SCAPER: variants seen among roughly 807,000 people sequenced by gnomAD.
The protein encoded by SCAPER is S-phase cyclin A associated protein in the ER.
In SCAPER, 98 loss-of-function variants were observed where a neutral mutation model predicts 182.2. The ratio of observed to expected loss-of-function variants is 0.54; its 90% CI spans 0.46 to 0.64. SCAPER has a LOEUF of 0.64. Ranked by LOEUF, SCAPER falls within the 30% of genes least tolerant of loss-of-function variation. SCAPER has a pLI of 0.00. For missense variants in SCAPER, 1,432 were observed against 1,690.0 expected, an observed-to-expected ratio of 0.85 and a Z score of 2.68; for synonymous variants, 605 against 564.6, an observed-to-expected ratio of 1.07 and a Z score of -1.01.
intron 14 of SCAPER, among the ~76,000 whole-genome samples, chr15:76,758,724 A>G (rs2062594390): frequency 6.6e-6 from 1 of 152,100 alleles, no homozygotes; most frequent in Non-Finnish European, 1.5e-5. Context: ...ATGAACAGGG[A>G]TATCTTTCTA....
At chr15:76,421,933 G>A (rs914955927) in intron 26 of SCAPER, among the ~76,000 whole-genome samples, 16 of 152,192 alleles carry the variant, frequency 1.1e-4, no homozygotes, top group African/African-American at 3.9e-4. Flanking sequence ...GATAGTTGTA[G>A]ATGTGTGTTA....
intron 26 of SCAPER, among the ~76,000 whole-genome samples, chr15:76,406,422 A>G (rs1314002407): frequency 6.6e-6 from 1 of 151,974 alleles, no homozygotes; most frequent in Non-Finnish European, 1.5e-5. Flanking sequence ...AAGTTGCAGT[A>G]AGCCAAGATC....
chr15:76,420,899 C>T (rs1194129135), intron 26 of SCAPER, among the ~76,000 whole-genome samples: 1 of 152,144 alleles, frequency 6.6e-6, no homozygotes, highest in Non-Finnish European at 1.5e-5. Context: ...CAATAGTTTG[C>T]TGAGAATGAT....
intron 25 of SCAPER, among the ~76,000 whole-genome samples, chr15:76,458,503 C>T (rs1185333279): frequency 6.6e-6 from 1 of 151,872 alleles, no homozygotes; most frequent in Non-Finnish European, 1.5e-5. Context: ...TGTATTTAGA[C>T]CTTTTGGAGT....
chr15:76,750,742 A>T (rs1238411304), intron 15 of SCAPER, among the ~76,000 whole-genome samples: 1 of 151,908 alleles, frequency 6.6e-6, no homozygotes, highest in Non-Finnish European at 1.5e-5. Flanking sequence ...TAGGAACAGA[A>T]CAAACTCAAA....
intron 20 of SCAPER, among the ~76,000 whole-genome samples, chr15:76,700,963 T>G (rs190815481): frequency 6.6e-6 from 1 of 152,148 alleles, no homozygotes; most frequent in East Asian, 1.9e-4. Flanking sequence ...GGAGGGGGCA[T>G]AAGAGGAGCC....
At chr15:76,478,745 C>G (rs550170562) in intron 24 of SCAPER, among the ~76,000 whole-genome samples, 1 of 152,000 alleles carries the variant, frequency 6.6e-6, no homozygotes, top group South Asian at 2.1e-4. Context: ...TATCTATCAT[C>G]GTGTCTATTT....
At chr15:76,437,914 C>T (rs1205457452) in intron 25 of SCAPER, among the ~76,000 whole-genome samples, 1 of 151,936 alleles carries the variant, frequency 6.6e-6, no homozygotes, top group Non-Finnish European at 1.5e-5. Flanking sequence ...TTGTCCAGAC[C>T]CTAAAGATTC....
At chr15:76,608,487 C>T (rs554292151) in intron 22 of SCAPER, among the ~76,000 whole-genome samples, 6 of 152,316 alleles carry the variant, frequency 3.9e-5, no homozygotes, top group African/African-American at 1.2e-4. Context: ...AGGAGGCAGT[C>T]TGCCCGTTCT....
At chr15:76,634,773 C>A (rs2053452911) in intron 21 of SCAPER, among the ~76,000 whole-genome samples, 1 of 151,888 alleles carries the variant, frequency 6.6e-6, no homozygotes, top group South Asian at 2.1e-4. Flanking sequence ...GAAATATGAC[C>A]TATTTTTGTA....
At chr15:76,431,902 G>A (rs561589836) in intron 26 of SCAPER, among the ~76,000 whole-genome samples, 1 of 152,178 alleles carries the variant, frequency 6.6e-6, no homozygotes, top group East Asian at 1.9e-4. Flanking sequence ...GAGTTATTTG[G>A]TTTGGCAGAT....
At chr15:76,625,882 C>G (rs1051947022) in intron 21 of SCAPER, among the ~76,000 whole-genome samples, 23 of 152,262 alleles carry the variant, frequency 1.5e-4, no homozygotes, top group Admixed American at 1.4e-3. Context: ...CCTCTCCTAT[C>G]TGGCTTTAGG....
chr15:76,548,741 G>T (rs949653787), intron 23 of SCAPER, among the ~76,000 whole-genome samples: 1 of 152,140 alleles, frequency 6.6e-6, no homozygotes, highest in Non-Finnish European at 1.5e-5. Flanking sequence ...TGGCTAGCCA[G>T]ATGTAGAAAG....
chr15:76,552,137 GC>G (rs1359509927), intron 23 of SCAPER, among the ~76,000 whole-genome samples: 1 of 152,052 alleles, frequency 6.6e-6, no homozygotes, highest in Non-Finnish European at 1.5e-5. Flanking sequence ...TTAAAAACGA[GC>G]CAAGCATGGT....
chr15:76,557,459 G>A (rs1205635353), intron 23 of SCAPER, among the ~76,000 whole-genome samples: 1 of 152,158 alleles, frequency 6.6e-6, no homozygotes, highest in Non-Finnish European at 1.5e-5. Context: ...CCTCATAGGA[G>A]GTGACTGGAT....
intron 23 of SCAPER, among the ~76,000 whole-genome samples, chr15:76,519,387 G>A (rs898738749): frequency 6.6e-6 from 1 of 152,168 alleles, no homozygotes; most frequent in African/African-American, 2.4e-5. Context: ...CTTTTTAGCA[G>A]GGAAAGGGAG....
chr15:76,850,136 T>C (rs2151825068), intron 4 of SCAPER, among the ~76,000 whole-genome samples: 1 of 151,968 alleles, frequency 6.6e-6, no homozygotes, highest in Non-Finnish European at 1.5e-5. Context: ...AACATACCCA[T>C]CCCCATGAAA....
At chr15:76,507,503 T>C (rs1264257722) in intron 23 of SCAPER, among the ~76,000 whole-genome samples, 1 of 152,172 alleles carries the variant, frequency 6.6e-6, no homozygotes, top group Non-Finnish European at 1.5e-5. Flanking sequence ...CTTGAAACGC[T>C]GAAATACTGA....
chr15:76,651,667 C>T (rs1232633633), intron 21 of SCAPER, among the ~76,000 whole-genome samples: 3 of 149,038 alleles, frequency 2.0e-5, no homozygotes, highest in Non-Finnish European at 4.4e-5. Flanking sequence ...GATAGATTCA[C>T]AGCCAAATTC....
Sources: allele counts gnomAD v4.1 joint callset (sites outside exome capture counted in the v4.1 genomes callset), GRCh38; gene constraint gnomAD v4.1.1; transcripts MANE v1.5; gene names NCBI Gene and HGNC (gene_info 2026-07-23, HGNC 2026-07-21).